Variants in PIEZO2 observed in about 807,000 individuals in gnomAD.
The protein encoded by PIEZO2 is piezo-type mechanosensitive ion channel component 2.
PIEZO2 carries 172 observed loss-of-function variants against 337.3 expected under a neutral mutation model. The ratio of observed to expected loss-of-function variants is 0.51; its 90% CI spans 0.45 to 0.58. The LOEUF (loss-of-function observed/expected upper bound fraction) is 0.58, where lower values mean the gene tolerates loss of function less well. Ranked by LOEUF, PIEZO2 falls within the 20% of genes least tolerant of loss-of-function variation. PIEZO2 has a pLI of 0.00. For missense variants in PIEZO2, 3,028 were observed against 3,391.3 expected, an observed-to-expected ratio of 0.89 and a Z score of 2.66; for synonymous variants, 1,251 against 1,228.5, an observed-to-expected ratio of 1.02 and a Z score of -0.38.
intron 11 of PIEZO2, among the ~76,000 whole-genome samples, chr18:10,797,806 G>A (rs1366297125): frequency 6.6e-6 from 1 of 152,238 alleles, no homozygotes; most frequent in Non-Finnish European, 1.5e-5. Flanking sequence ...ACCTCCTGGT[G>A]TTCATGCTGT....
At chr18:10,914,760 T>C (rs1342489971) in intron 3 of PIEZO2, among the ~76,000 whole-genome samples, 1 of 152,094 alleles carries the variant, frequency 6.6e-6, no homozygotes, top group Non-Finnish European at 1.5e-5. Flanking sequence ...AAACTGTCCT[T>C]TGTAGATCCA....
intron 36 of PIEZO2, among the ~76,000 whole-genome samples, chr18:10,728,801 A>C (rs531650241): frequency 1.3e-5 from 2 of 152,114 alleles, no homozygotes; most frequent in African/African-American, 4.8e-5. Context: ...TAAAAGTACA[A>C]AAAATTAGCT....
chr18:10,731,114 A>C (rs1316556498), intron 36 of PIEZO2, among the ~76,000 whole-genome samples: 1 of 148,106 alleles, frequency 6.8e-6, no homozygotes, highest in Non-Finnish European at 1.5e-5. Flanking sequence ...CATGTAAGAA[A>C]TAAGTTTTCT....
Position 11,104,787 on chromosome 18 carries a change from G to A in PIEZO2, c.65-38565C>T, listed in dbSNP as rs978140868. Among the ~76,000 whole-genome samples the A allele has an allele frequency of 6.6e-6, 1 of 152,114 alleles. No homozygotes were observed. The highest frequency in any genetic ancestry group is 6.5e-5 in the Admixed American group (1 of 15,272). On this transcript the variant is annotated intron_variant, in intron 1 of 55. Transcript: ENST00000674853. This position sits in a 1 kb window ranked among gnomAD's most constrained non-coding sequence, Gnocchi z 4.6. Reference sequence around the variant, plus strand: ...GGACATAACTACAATGCAGTATAACGGCGCCTGCTTCTCTTGGGGACCACT... The same window carrying A: ...GGACATAACTACAATGCAGTATAACAGCGCCTGCTTCTCTTGGGGACCACT...
chr18:10,938,046 G>A (rs80013888), intron 3 of PIEZO2, among the ~76,000 whole-genome samples: 9,149 of 152,204 alleles, frequency 0.06, 331 homozygotes, highest in Middle Eastern at 0.16. Context: ...CCTCTAATGT[G>A]CAAATAATTT....
intron 2 of PIEZO2, among the ~76,000 whole-genome samples, chr18:10,991,534 T>C (rs1371141041): frequency 1.3e-5 from 2 of 152,148 alleles, no homozygotes; most frequent in African/African-American, 4.8e-5. Context: ...TCCAGCTTCA[T>C]CCATGTCCCT....
intron 2 of PIEZO2, among the ~76,000 whole-genome samples, chr18:11,019,391 C>CT (rs2036233468): frequency 6.6e-6 from 1 of 152,216 alleles, no homozygotes; most frequent in African/African-American, 2.4e-5. Flanking sequence ...AGTTCATCCC[C>CT]TACCATTCAC....
chr18:10,705,311 T>C, intron 41 of PIEZO2, 25 bp downstream of exon 41: 1 of 1,509,254 alleles, frequency 6.6e-7, no homozygotes, highest in South Asian at 1.3e-5. Context: ...GGGATATGTG[T>C]CTGATCTGTT....
intron 18 of PIEZO2, among the ~76,000 whole-genome samples, chr18:10,777,333 A>T (rs1028974971): frequency 3.9e-5 from 6 of 151,982 alleles, no homozygotes; most frequent in African/African-American, 1.5e-4. Context: ...GCTTTGTGCA[A>T]CTCCCAATGT....
chr18:10,983,412 G>A (rs1378988154), intron 2 of PIEZO2, among the ~76,000 whole-genome samples: 1 of 152,166 alleles, frequency 6.6e-6, no homozygotes, highest in Non-Finnish European at 1.5e-5. Context: ...GGTATCAACA[G>A]AGGCCTGATT....
In PIEZO2 at chr18:10,993,836, C is replaced by T. The variant is rs78172184; in HGVS notation, c.161-14176G>A. On this transcript the variant is annotated intron_variant, in intron 2 of 55. Transcript: ENST00000674853. The surrounding 1 kb of genome is among the most constrained non-coding windows in gnomAD (Gnocchi z 5.0). ...GCCACCGCTCCTGGCCATGTCTCTG[C>T]TTTTTTTTTATTATTAATTTTAAAA... is the stretch of plus-strand genomic sequence containing the variant. Among the ~76,000 whole-genome samples the T allele has an allele frequency of 2.0e-5, 3 of 151,158 alleles. No individual in the cohort carries two copies. The highest frequency in any genetic ancestry group is 4.4e-5 in the Non-Finnish European group (3 of 67,744).
chr18:10,732,988 C>T (rs1385565649), intron 35 of PIEZO2, among the ~76,000 whole-genome samples: 2 of 138,340 alleles, frequency 1.4e-5, no homozygotes, highest in Admixed American at 7.4e-5. Context: ...AAATAGAAAA[C>T]AAAAAAGTAA....
Position 11,127,802 on chromosome 18 carries a change from C to CGTGTGTGT in PIEZO2, c.64+20722_64+20723insACACACAC, listed in dbSNP as rs1568397732. 6.1e-4 allele frequency among the ~76,000 whole-genome samples: 15 copies of CGTGTGTGT among 24,520 alleles called. No homozygotes were observed. The highest frequency in any genetic ancestry group is 1.8e-3 in the South Asian group (2 of 1,102). 16.1% of individuals were successfully genotyped at this position (24,520 alleles called of 152,430 possible). A position where few individuals can be genotyped will look rare whatever the true frequency, so the allele number is the denominator to read the frequency against. ...ATGCATATACGTGTGTGTGTGTGTGCATGTGTGTGTGTGTGTGTGTGTGTA... is the reference window on the plus strand; with the variant it reads ...ATGCATATACGTGTGTGTGTGTGTGCGTGTGTGTATGTGTGTGTGTGTGTGTGTGTGTA... On this transcript the variant is annotated intron_variant, in intron 1 of 55. Transcript: ENST00000674853. This position sits in a 1 kb window ranked among gnomAD's most constrained non-coding sequence, Gnocchi z 4.5.
intron 7 of PIEZO2, among the ~76,000 whole-genome samples, chr18:10,809,275 T>TC (rs1312081349): frequency 7.6e-6 from 1 of 132,340 alleles, no homozygotes; most frequent in Non-Finnish European, 1.6e-5. Flanking sequence ...TTTTTTTTTT[T>TC]TTTTTTTTTT....
chr18:11,034,850 AAAAC>A (rs565364362), intron 2 of PIEZO2, among the ~76,000 whole-genome samples: 28 of 152,212 alleles, frequency 1.8e-4, no homozygotes, highest in African/African-American at 4.3e-4. Flanking sequence ...GTCTCAAACA[AAAAC>A]AAACAAACAA....
At position 10,724,713 on chromosome 18, in the gene PIEZO2, C is replaced by A. The variant is rs2036457450; in HGVS notation, c.5030-6454G>T. On this transcript the variant is annotated intron_variant, in intron 36 of 55. Coordinates refer to ENST00000674853, the MANE Select transcript of PIEZO2 (RefSeq NM_001378183.1). This position sits in a 1 kb window ranked among gnomAD's most constrained non-coding sequence, Gnocchi z 5.8. ...TGCGTCATAGGCTGAAGCACTCAGA[C>A]CGAGATGGGCCACCACTGTACCCCT... The A allele has an allele frequency of 4.3e-6, 6 of 1,393,114 alleles. No individual in the cohort carries two copies. The South Asian group carries it at 8.3e-5, about 19-fold the overall frequency. The allele number at this position is 1,393,114 out of a possible 1,614,324, so 86.3% of individuals were successfully genotyped here. A position where few individuals can be genotyped will look rare whatever the true frequency, so the allele number is the denominator to read the frequency against.
rs1568132053 is a variant in PIEZO2 at position 10,854,371 on chromosome 18, A to G, written c.917+982T>C. On this transcript the variant is annotated intron_variant, in intron 7 of 55. Transcript: ENST00000674853. This position sits in a 1 kb window ranked among gnomAD's most constrained non-coding sequence, Gnocchi z 4.6. ...TCTTTGCAATTAGCAAGCACCAACA[A>G]GGTTCTACTTTGTCATTGTGCAACC... Among the ~76,000 whole-genome samples the G allele has an allele frequency of 1.3e-5, 2 of 152,200 alleles. No individual in the cohort carries two copies. The highest frequency in any genetic ancestry group is 6.5e-5 in the Admixed American group (1 of 15,284).
chr18:10,975,974 A>C (rs919169857), intron 3 of PIEZO2, among the ~76,000 whole-genome samples: 2 of 152,194 alleles, frequency 1.3e-5, no homozygotes, highest in Non-Finnish European at 2.9e-5. Flanking sequence ...GCAGATGCCA[A>C]AAAAGGATAA....
intron 7 of PIEZO2, among the ~76,000 whole-genome samples, chr18:10,836,648 T>A (rs2144577235): frequency 6.6e-6 from 1 of 152,344 alleles, no homozygotes; most frequent in African/African-American, 2.4e-5. Flanking sequence ...GGTCAAGAAA[T>A]CCTGGCTACA....
Sources: allele counts gnomAD v4.1 joint callset (sites outside exome capture counted in the v4.1 genomes callset), GRCh38; gene constraint gnomAD v4.1.1; non-coding constraint Gnocchi (gnomAD v3.1); transcripts MANE v1.5; gene names NCBI Gene and HGNC (gene_info 2026-07-23, HGNC 2026-07-21).